The following NT5DC1 variants were observed in gnomAD, a reference collection of about 807,000 sequenced individuals.
NT5DC1 encodes 5'-nucleotidase domain-containing protein 1.
Under a neutral mutation model 59.4 loss-of-function variants are expected in NT5DC1, and 42 were observed. The observed-to-expected ratio is 0.71, with a 90% CI of 0.55 to 0.92. The LOEUF is 0.92. Ranked by LOEUF, NT5DC1 falls within the 40% of genes least tolerant of loss-of-function variation. The pLI is 0.00. For synonymous variants in NT5DC1, 172 were observed against 188.1 expected, an observed-to-expected ratio of 0.91 and a Z score of 0.70; for missense variants, 501 against 537.1, an observed-to-expected ratio of 0.93 and a Z score of 0.66.
At chr6:116,190,990 T>C (rs981319168) in intron 6 of NT5DC1, among the ~76,000 whole-genome samples, 4 of 151,932 alleles carry the variant, frequency 2.6e-5, no homozygotes, top group African/African-American at 9.7e-5. Flanking sequence ...CTCTTTATTT[T>C]AAGTGAGGAA....
intron 3 of NT5DC1, among the ~76,000 whole-genome samples, chr6:116,109,206 C>T (rs1045416244): frequency 1.3e-5 from 2 of 152,218 alleles, no homozygotes; most frequent in Non-Finnish European, 1.5e-5. Context: ...AAGGAGAGAA[C>T]TCCCAGACCC....
At chr6:116,135,751 T>C (rs1020766638) in intron 6 of NT5DC1, among the ~76,000 whole-genome samples, 21 of 149,710 alleles carry the variant, frequency 1.4e-4, no homozygotes, top group Non-Finnish European at 2.8e-4. Context: ...AATACTCAGC[T>C]TAAAAAATTT....
intron 9 of NT5DC1, chr6:116,237,707 C>T: frequency 6.3e-6 from 2 of 319,306 alleles, no homozygotes; most frequent in Non-Finnish European, 1.2e-5. Context: ...TTTCCAGATT[C>T]AACATGCCCA....
chr6:116,238,431 A>G (rs1040860971), intron 10 of NT5DC1, 83 bp downstream of exon 10: 20 of 862,566 alleles, frequency 2.3e-5, no homozygotes, highest in African/African-American at 3.5e-5. Flanking sequence ...CTTGACTCCA[A>G]AATTGTCCTG....
intron 6 of NT5DC1, chr6:116,120,414 G>T: frequency 6.2e-7 from 1 of 1,614,260 alleles, no homozygotes; most frequent in Non-Finnish European, 8.5e-7. Context: ...AATGGTATGG[G>T]AGTTCCTATT....
intron 6 of NT5DC1, among the ~76,000 whole-genome samples, chr6:116,163,097 A>G (rs1413127136): frequency 7.2e-6 from 1 of 138,288 alleles, no homozygotes; most frequent in Non-Finnish European, 1.5e-5. Flanking sequence ...ACTGCACTCC[A>G]GCCTGGGAGA....
chr6:116,112,415 C>A (rs757230367), intron 4 of NT5DC1, among the ~76,000 whole-genome samples: 4 of 152,094 alleles, frequency 2.6e-5, no homozygotes, highest in Non-Finnish European at 4.4e-5. Context: ...AAATATTAAT[C>A]TCAGCACATG....
chr6:116,228,892 T>C (rs184483163), intron 8 of NT5DC1, among the ~76,000 whole-genome samples: 12 of 152,306 alleles, frequency 7.9e-5, no homozygotes, highest in African/African-American at 2.9e-4. Flanking sequence ...TCTTCTCCTG[T>C]TGTCCTTCAG....
At chr6:116,146,264 A>G (rs985614183) in intron 6 of NT5DC1, among the ~76,000 whole-genome samples, 1 of 152,250 alleles carries the variant, frequency 6.6e-6, no homozygotes, top group African/African-American at 2.4e-5. Context: ...AAGCAAATCA[A>G]AAGTTATCTA....
chr6:116,194,507 G>A (rs560180674), intron 6 of NT5DC1, among the ~76,000 whole-genome samples: 7 of 152,108 alleles, frequency 4.6e-5, no homozygotes, highest in African/African-American at 1.4e-4. Flanking sequence ...ATTTTATGTT[G>A]TGGGGAGTTA....
At chr6:116,109,385 G>T (rs1364564568) in intron 3 of NT5DC1, among the ~76,000 whole-genome samples, 2 of 152,208 alleles carry the variant, frequency 1.3e-5, no homozygotes, top group East Asian at 1.9e-4. Flanking sequence ...GAGAGATAGG[G>T]TATGTGTAAA....
At chr6:116,211,594 C>T (rs899408674) in intron 6 of NT5DC1, among the ~76,000 whole-genome samples, 8 of 151,778 alleles carry the variant, frequency 5.3e-5, no homozygotes, top group Non-Finnish European at 1.2e-4. Flanking sequence ...TTAGCCATGC[C>T]AAATAAGTAT....
intron 8 of NT5DC1, among the ~76,000 whole-genome samples, chr6:116,235,580 A>G (rs894689456): frequency 1.3e-5 from 2 of 152,228 alleles, no homozygotes; most frequent in African/African-American, 4.8e-5. Flanking sequence ...AATGCACTTT[A>G]TTATTGTGAC....
At chr6:116,164,709 C>T (rs1400556009) in intron 6 of NT5DC1, among the ~76,000 whole-genome samples, 4 of 152,142 alleles carry the variant, frequency 2.6e-5, no homozygotes, top group South Asian at 2.1e-4. Flanking sequence ...TAGCAAGTAT[C>T]ATCTTTCTGT....
In NT5DC1 at chr6:116,245,997, TG is replaced by T. The variant is rs1226808464; in HGVS notation, c.*1974del. 4.6e-5 allele frequency: 7 copies of T among 152,170 alleles called. No individual in the cohort carries two copies. Among genetic ancestry groups the T allele is most frequent in the African/African-American group, 1.2e-4 (5 of 41,454 alleles). 9.4% of individuals were successfully genotyped at this position (152,170 alleles called of 1,614,324 possible). On this transcript the variant is annotated 3_prime_UTR_variant, in exon 12 of 12. Transcript: ENST00000319550. ...AGCAGTCAGTATTTCTTCTAATGAA[TG>T]TTTTTTTTCTGTAATTAGAAAGACT...
intron 6 of NT5DC1, among the ~76,000 whole-genome samples, chr6:116,132,022 T>A (rs1779479927): frequency 6.6e-6 from 1 of 152,236 alleles, no homozygotes; most frequent in Non-Finnish European, 1.5e-5. Context: ...TTTTTATGGC[T>A]GCATAGTATT....
intron 6 of NT5DC1, among the ~76,000 whole-genome samples, chr6:116,138,352 C>G (rs187645118): frequency 1.3e-5 from 2 of 152,288 alleles, no homozygotes; most frequent in Admixed American, 6.5e-5. Flanking sequence ...CCAAGAATAG[C>G]ACTACTTAAC....
intron 6 of NT5DC1, among the ~76,000 whole-genome samples, chr6:116,195,800 C>G (rs1781212639): frequency 6.6e-6 from 1 of 151,956 alleles, no homozygotes; most frequent in South Asian, 2.1e-4. Flanking sequence ...GTGCACAGAA[C>G]AGATGGTGGG....
chr6:116,147,383 A>C (rs550524781), intron 6 of NT5DC1, among the ~76,000 whole-genome samples: 5 of 152,260 alleles, frequency 3.3e-5, no homozygotes, highest in African/African-American at 1.2e-4. Context: ...CAGAGGTTGC[A>C]GTGAACTGAG....
Sources: allele counts gnomAD v4.1 joint callset (sites outside exome capture counted in the v4.1 genomes callset), GRCh38; gene constraint gnomAD v4.1.1; transcripts MANE v1.5; gene names NCBI Gene and HGNC (gene_info 2026-07-23, HGNC 2026-07-21).